Variants in HS2ST1 observed in about 807,000 individuals in gnomAD.
HS2ST1 encodes 2-O-sulfotransferase.
A neutral mutation model predicts 42.9 loss-of-function variants in HS2ST1; 18 were observed. The observed-to-expected ratio is 0.42, with a 90% CI of 0.29 to 0.62. The LOEUF is 0.62. Among genes scored for constraint, HS2ST1 ranks in the 20% least tolerant of loss-of-function variants. The pLI, the probability that HS2ST1 is intolerant of heterozygous loss-of-function variation, is 0.21. For synonymous variants in HS2ST1, 146 were observed against 152.9 expected (o/e 0.95, Z 0.33); for missense variants, 334 against 433.8 (o/e 0.77, Z 2.04).
intron 3 of HS2ST1, among the ~76,000 whole-genome samples, chr1:87,084,689 A>G (rs1651771965): frequency 6.6e-6 from 1 of 152,074 alleles, no homozygotes; most frequent in South Asian, 2.1e-4. Context: ...TGAAGTGTAC[A>G]CTTTCCCTTG....
At chr1:87,037,482 A>G (rs1650408468) in intron 1 of HS2ST1, among the ~76,000 whole-genome samples, 2 of 151,838 alleles carry the variant, frequency 1.3e-5, no homozygotes, top group Admixed American at 1.3e-4. Flanking sequence ...ATTACAGAAA[A>G]GTCCAAAGGT....
chr1:86,997,671 A>AC (rs768379106), intron 1 of HS2ST1, among the ~76,000 whole-genome samples: 7 of 151,822 alleles, frequency 4.6e-5, no homozygotes, highest in African/African-American at 7.3e-5. Context: ...ATGTTCTAAG[A>AC]CCCCCCAGTA....
chr1:86,987,042 A>G (rs535465980), intron 1 of HS2ST1, among the ~76,000 whole-genome samples: 1 of 141,192 alleles, frequency 7.1e-6, no homozygotes, highest in East Asian at 2.1e-4. Context: ...CACGCTTTCC[A>G]CCACTATTAA....
At chr1:86,939,340 T>G (rs143096435) in intron 1 of HS2ST1, among the ~76,000 whole-genome samples, 20 of 152,358 alleles carry the variant, frequency 1.3e-4, no homozygotes, top group African/African-American at 4.6e-4. Context: ...CTTGTCTTAT[T>G]CAATTTGCTG....
At chr1:87,038,378 T>C (rs1650435458) in intron 1 of HS2ST1, among the ~76,000 whole-genome samples, 1 of 152,148 alleles carries the variant, frequency 6.6e-6, no homozygotes, top group African/African-American at 2.4e-5. Flanking sequence ...AAACTGAATA[T>C]ACATGTAAAT....
At chr1:87,060,706 AAAG>A (rs1329897989) in intron 1 of HS2ST1, among the ~76,000 whole-genome samples, 11 of 152,174 alleles carry the variant, frequency 7.2e-5, no homozygotes, top group African/African-American at 2.7e-4. Flanking sequence ...ATTGATAATA[AAAG>A]AAGGTTATAA....
At chr1:87,076,281 C>G (rs1325854231) in intron 2 of HS2ST1, among the ~76,000 whole-genome samples, 1 of 152,040 alleles carries the variant, frequency 6.6e-6, no homozygotes, top group African/African-American at 2.4e-5. Context: ...GATCCTTGAT[C>G]AAAAATGATA....
At chr1:87,010,229 AATATTT>A (rs1649560912) in intron 1 of HS2ST1, among the ~76,000 whole-genome samples, 1 of 152,142 alleles carries the variant, frequency 6.6e-6, no homozygotes, top group Non-Finnish European at 1.5e-5. Flanking sequence ...CATAGGAGTT[AATATTT>A]ATATCTCCCA....
intron 5 of HS2ST1, among the ~76,000 whole-genome samples, chr1:87,101,848 A>G (rs530530804): frequency 2.0e-5 from 3 of 152,300 alleles, no homozygotes; most frequent in Admixed American, 6.5e-5. Context: ...CTGTGAAGGA[A>G]TACCTGAGAT....
At chr1:87,098,952 A>G (rs985590611) in intron 5 of HS2ST1, among the ~76,000 whole-genome samples, 5 of 152,032 alleles carry the variant, frequency 3.3e-5, no homozygotes, top group Non-Finnish European at 7.4e-5. Flanking sequence ...TAATTTTTGT[A>G]TTTTTAGTAG....
chr1:86,914,939 C>G lies in HS2ST1; in HGVS notation c.-98C>G. On this transcript the variant is annotated 5_prime_UTR_variant, in exon 1 of 7. Transcript: ENST00000370550. ...TCTCGCTGTCGCTCTCTCTTTGCCT[C>G]GCTCCCGGCTCGGCGGGCTCCTCCC... is the stretch of plus-strand genomic sequence containing the variant. 2.0e-6 allele frequency: 3 copies of G among 1,494,450 alleles called. No individual in the cohort carries two copies. The highest frequency in any genetic ancestry group is 2.3e-5 in the South Asian group (2 of 87,416). The allele number at this position is 1,494,450 out of a possible 1,614,324, so 92.6% of individuals were successfully genotyped here. A position where few individuals can be genotyped will look rare whatever the true frequency, so the allele number is the denominator to read the frequency against.
At chr1:86,931,206 A>G (rs751808570) in intron 1 of HS2ST1, among the ~76,000 whole-genome samples, 1 of 152,042 alleles carries the variant, frequency 6.6e-6, no homozygotes, top group African/African-American at 2.4e-5. Flanking sequence ...ATTATACATT[A>G]TTTCACATTT....
intron 3 of HS2ST1, among the ~76,000 whole-genome samples, chr1:87,089,569 C>A (rs944471556): frequency 2.0e-5 from 3 of 151,980 alleles, no homozygotes; most frequent in African/African-American, 7.2e-5. Flanking sequence ...AGAGTAAAAC[C>A]AGCAAACCTC....
chr1:86,972,416 A>G (rs1193959246), intron 1 of HS2ST1, among the ~76,000 whole-genome samples: 1 of 152,014 alleles, frequency 6.6e-6, no homozygotes, highest in Non-Finnish European at 1.5e-5. Flanking sequence ...CAGTGGTGTA[A>G]TCATAGCTCA....
chr1:86,992,993 G>A (rs1207125059), intron 1 of HS2ST1: 27 of 1,424,816 alleles, frequency 1.9e-5, no homozygotes, highest in Non-Finnish European at 2.6e-5. Flanking sequence ...CTGTGTCTAT[G>A]TTCCTTTCCT....
At chr1:86,933,393 G>A (rs538449182) in intron 1 of HS2ST1, among the ~76,000 whole-genome samples, 5 of 152,216 alleles carry the variant, frequency 3.3e-5, no homozygotes, top group East Asian at 1.9e-4. Context: ...TTCTATCAAC[G>A]TATCTTCAAG....
chr1:87,019,557 A>G (rs1371844143), intron 1 of HS2ST1, among the ~76,000 whole-genome samples: 2 of 152,200 alleles, frequency 1.3e-5, no homozygotes, highest in Non-Finnish European at 2.9e-5. Context: ...ATGTCACATT[A>G]GCATCACTTT....
chr1:86,976,720 A>ATATATATATATATATATATATATATT (rs1411768398), intron 1 of HS2ST1, among the ~76,000 whole-genome samples: 1 of 139,916 alleles, frequency 7.1e-6, no homozygotes, highest in Non-Finnish European at 1.6e-5. Context: ...ATATATATAT[A>ATATATATATATATATATATATATATT]TTTTAAATGC....
intron 1 of HS2ST1, among the ~76,000 whole-genome samples, chr1:87,035,772 T>G (rs1002679869): frequency 6.6e-6 from 1 of 152,200 alleles, no homozygotes; most frequent in Non-Finnish European, 1.5e-5. Context: ...CCAGTATTGT[T>G]GTTTAAGAAT....
Sources: gnomAD v4.1 joint callset for allele counts (sites outside exome capture counted in the v4.1 genomes callset) on GRCh38, gnomAD v4.1.1 for gene constraint, MANE v1.5 for transcripts, NCBI Gene and HGNC (gene_info 2026-07-23, HGNC 2026-07-21) for gene names.